The following LRRFIP1 variants were observed in gnomAD, a reference collection of about 807,000 sequenced individuals.
The protein encoded by LRRFIP1 is leucine-rich repeat flightless-interacting protein 1.
Under a neutral mutation model 104.4 loss-of-function variants are expected in LRRFIP1, and 62 were observed. The observed-to-expected ratio is 0.59, with a 90% CI of 0.48 to 0.73. LRRFIP1 has a LOEUF of 0.73. Among genes scored for constraint, LRRFIP1 ranks in the 30% least tolerant of loss-of-function variants. LRRFIP1 has a pLI of 0.00. For synonymous variants in LRRFIP1, 300 were observed against 299.0 expected (o/e 1.00, Z -0.03); for missense variants, 796 against 824.5 (o/e 0.97, Z 0.42).
In LRRFIP1 at chr2:237,703,936, G is replaced by A. The variant is rs776589594; in HGVS notation, c.97-4608G>A. ...AAGCAGTCTGACGTGGCTGTGGCCC[G>A]TCATGAGATTTTATATTTTACAAAA... On this transcript the variant is annotated intron_variant, in intron 1 of 23. Transcript: ENST00000308482. This position sits in a 1 kb window ranked among gnomAD's most constrained non-coding sequence, Gnocchi z 4.3. Among the ~76,000 whole-genome samples the A allele has an allele frequency of 2.2e-4, 34 of 152,166 alleles. No individual in the cohort carries two copies. Among genetic ancestry groups the A allele is most frequent in the Non-Finnish European group, 3.8e-4 (26 of 68,018 alleles).
At chr2:237,660,530 A>C (rs907925618) in intron 1 of LRRFIP1, among the ~76,000 whole-genome samples, 1 of 152,226 alleles carries the variant, frequency 6.6e-6, no homozygotes, top group African/African-American at 2.4e-5. Flanking sequence ...GCTGGCCAGC[A>C]TCTGTCCACT....
intron 7 of LRRFIP1, among the ~76,000 whole-genome samples, chr2:237,725,083 A>T (rs553702106): frequency 8.5e-5 from 13 of 152,368 alleles, no homozygotes; most frequent in African/African-American, 3.1e-4. Context: ...TACCGTTTTC[A>T]TAGGGCATTT....
In LRRFIP1 at chr2:237,708,562, G is replaced by T; in HGVS notation, c.115G>T (p.Ala39Ser). 1 of 1,587,034 alleles carries T rather than the reference G, an allele frequency of 6.3e-7. No individual in the cohort carries two copies. Among genetic ancestry groups the T allele is most frequent in the Non-Finnish European group, 8.6e-7 (1 of 1,163,952 alleles). The change falls in exon 2 of 24, where the codon GCA (alanine) becomes TCA (serine). Residue 39 changes from alanine (A) to serine (S), a missense_variant. Ala to Ser is a moderately conservative substitution (Grantham distance 99). Transcript: ENST00000308482. ...GTTTCAGGCGGAAGCCCGGCTCGCT[G>T]CAAAACGGGCGGCCCGCGCGGAGGC... ...IAREAEARLAAKRAARAEARE... is the reference protein window; with the variant it reads ...IAREAEARLASKRAARAEARE...
At chr2:237,636,213 A>G (rs2083083674) in intron 1 of LRRFIP1, among the ~76,000 whole-genome samples, 1 of 151,868 alleles carries the variant, frequency 6.6e-6, no homozygotes, top group South Asian at 2.1e-4. Flanking sequence ...GGTTCATTCA[A>G]TCTGGAAACT....
chr2:237,772,735 G>A, intron 21 of LRRFIP1, 131 bp from the exon 22 acceptor site: 1 of 664,342 alleles, frequency 1.5e-6, no homozygotes, highest in East Asian at 2.6e-5. Flanking sequence ...CTGGGAGGTT[G>A]TGGAGGCAGG....
intron 8 of LRRFIP1, among the ~76,000 whole-genome samples, chr2:237,729,600 T>G (rs2094914318): frequency 6.6e-6 from 1 of 152,150 alleles, no homozygotes; most frequent in South Asian, 2.1e-4. Flanking sequence ...AATCTCCAGT[T>G]GTTAAGAATC....
At position 237,706,203 on chromosome 2, in the gene LRRFIP1, G is replaced by A. The variant is rs565120485; in HGVS notation, c.97-2341G>A. Among the ~76,000 whole-genome samples the A allele has an allele frequency of 2.6e-5, 4 of 152,262 alleles. No homozygotes were observed. The South Asian group carries it at 8.3e-4, about 32-fold the overall frequency. On this transcript the variant is annotated intron_variant, in intron 1 of 23. Coordinates refer to ENST00000308482, the MANE Select transcript of LRRFIP1 (RefSeq NM_001137550.2). ...CACGTTCCCACACAGTGGGAGAGGG[G>A]TATGCAGGGCGTGTACACCAGAGTC...
intron 1 of LRRFIP1, among the ~76,000 whole-genome samples, chr2:237,634,896 T>A (rs2082875012): frequency 6.6e-6 from 1 of 152,224 alleles, no homozygotes; most frequent in Non-Finnish European, 1.5e-5. Context: ...AATCTATCAA[T>A]TCCATTTTAT....
At position 237,781,273 on chromosome 2, in the gene LRRFIP1, G is replaced by A. The variant is rs180671172; in HGVS notation, c.*1741G>A. ...GCCGGCAGCATGCTGACGCTTTTAG[G>A]TATTTTTCACTCATGCAATTTTCAC... On this transcript the variant is annotated 3_prime_UTR_variant, in exon 24 of 24. Transcript: ENST00000308482. Among the ~76,000 whole-genome samples the A allele has an allele frequency of 6.6e-6, 1 of 152,350 alleles. No homozygotes were observed. Among genetic ancestry groups the A allele is most frequent in the East Asian group, 1.9e-4 (1 of 5,190 alleles).
At chr2:237,709,805 A>G (rs1258957270) in intron 2 of LRRFIP1, among the ~76,000 whole-genome samples, 1 of 152,154 alleles carries the variant, frequency 6.6e-6, no homozygotes, top group Non-Finnish European at 1.5e-5. Flanking sequence ...AGGCCACTAG[A>G]AGGAATAGTG....
chr2:237,671,673 CTG>C (rs1204558959), intron 1 of LRRFIP1, among the ~76,000 whole-genome samples: 1 of 151,920 alleles, frequency 6.6e-6, no homozygotes. Context: ...CTCCCCGTGT[CTG>C]TGTCCCTTCA....
intron 1 of LRRFIP1, among the ~76,000 whole-genome samples, chr2:237,654,609 G>A (rs1175151885): frequency 6.6e-6 from 1 of 151,162 alleles, no homozygotes; most frequent in Non-Finnish European, 1.5e-5. Flanking sequence ...GGAGTGCAAT[G>A]GCGCAATCTC....
intron 15 of LRRFIP1, among the ~76,000 whole-genome samples, chr2:237,755,278 C>T (rs2059132805): frequency 6.6e-6 from 1 of 152,230 alleles, no homozygotes; most frequent in South Asian, 2.1e-4. Context: ...TTTGCTCCCC[C>T]AAACTCTCCT....
intron 16 of LRRFIP1, 43 bp from the exon 17 acceptor site, chr2:237,757,413 C>A: frequency 7.2e-7 from 1 of 1,383,782 alleles, no homozygotes; most frequent in South Asian, 1.3e-5. Context: ...GTTTTTCTTC[C>A]TCTTTAACCC....
At chr2:237,681,926 G>T (rs1255780516) in intron 1 of LRRFIP1, among the ~76,000 whole-genome samples, 1 of 150,782 alleles carries the variant, frequency 6.6e-6, no homozygotes, top group African/African-American at 2.4e-5. Flanking sequence ...TGATCCGCCC[G>T]CCTCGGCCTC....
At chr2:237,667,116 C>A (rs192875565) in intron 1 of LRRFIP1, among the ~76,000 whole-genome samples, 1 of 152,068 alleles carries the variant, frequency 6.6e-6, no homozygotes, top group African/African-American at 2.4e-5. Context: ...ACCTGTCAAC[C>A]CATCATCTAG....
intron 19 of LRRFIP1, chr2:237,769,592 G>T: frequency 4.0e-6 from 1 of 249,322 alleles, no homozygotes; most frequent in Non-Finnish European, 7.9e-6. Context: ...GATTCTCGGT[G>T]TTTGTACATT....
chr2:237,733,854 CT>C, intron 9 of LRRFIP1, 36 bp downstream of exon 9: 2 of 1,612,144 alleles, frequency 1.2e-6, no homozygotes, highest in African/African-American at 1.3e-5. Flanking sequence ...CCCGCACCCC[CT>C]CCCACTGTGC....
intron 12 of LRRFIP1, 89 bp downstream of exon 12, chr2:237,748,488 A>C: frequency 4.8e-6 from 6 of 1,255,572 alleles, no homozygotes; most frequent in Non-Finnish European, 6.8e-6. Context: ...TTTAATAAGG[A>C]TGTTCCCCAG....
Sources: gnomAD v4.1 joint callset for allele counts (sites outside exome capture counted in the v4.1 genomes callset) on GRCh38, gnomAD v4.1.1 for gene constraint, Gnocchi (gnomAD v3.1) non-coding constraint, MANE v1.5 for transcripts, NCBI Gene and HGNC (gene_info 2026-07-23, HGNC 2026-07-21) for gene names.